Variants in USP54 observed in about 807,000 individuals in gnomAD.
USP54 encodes ubiquitin carboxyl-terminal hydrolase 54.
A neutral mutation model predicts 170.5 loss-of-function variants in USP54; 87 were observed. That is an observed-to-expected ratio of 0.51 (90% CI 0.43 to 0.61). USP54 has a LOEUF of 0.61. Among genes scored for constraint, USP54 ranks in the 20% least tolerant of loss-of-function variants. The pLI is 0.00. For missense variants in USP54, 1,786 were observed against 2,047.8 expected, an observed-to-expected ratio of 0.87 and a Z score of 2.47; for synonymous variants, 655 against 742.8, an observed-to-expected ratio of 0.88 and a Z score of 1.92.
chr10:73,614,594 C>T (rs1008606162), intron 1 of USP54, among the ~76,000 whole-genome samples: 4 of 143,622 alleles, frequency 2.8e-5, no homozygotes, highest in East Asian at 2.0e-4. Flanking sequence ...GAAACACAGG[C>T]GTACATACAT....
At chr10:73,511,096 C>CTTTTTTTTT (rs777196673) in intron 20 of USP54, among the ~76,000 whole-genome samples, 1 of 121,564 alleles carries the variant, frequency 8.2e-6, no homozygotes, top group African/African-American at 3.1e-5. Context: ...ATGAAAACAC[C>CTTTTTTTTT]TTTTTTTTTT....
At position 73,504,945 on chromosome 10, in the gene USP54, G is replaced by T; in HGVS notation, c.4216C>A (p.Gln1406Lys). ...CGACGTAAATTCTCTGCACTGTACT[G>T]CTCATCCTCCCCACACTCCCTGCTG... ...GLSRECGEDE[Q>K]YSAENLRRIS... Residue 1406 changes from glutamine to lysine, a missense_variant, in exon 22 of 24, where the codon CAG (glutamine) becomes AAG (lysine). Gln to Lys is a moderately conservative substitution (Grantham distance 53). Transcript: ENST00000687698. The T allele has an allele frequency of 6.2e-7, 1 of 1,614,112 alleles. No homozygotes were observed. Among genetic ancestry groups the T allele is most frequent in the Non-Finnish European group, 8.5e-7 (1 of 1,180,026 alleles).
chr10:73,529,901 A>G lies in USP54; in HGVS notation c.1839T>C (p.Phe613=), dbSNP rs2063658451. Residue 613 remains phenylalanine, a synonymous_variant, in exon 15 of 24, where the codon TTT becomes TTC. Coordinates refer to ENST00000687698, the MANE Select transcript of USP54 (RefSeq NM_001391956.1). ...GTGGCTTGCTTGGTTCATCTGGTATAAATTCTTTAGCTATCCCAATCAAAA... is the reference window on the plus strand; with the variant it reads ...GTGGCTTGCTTGGTTCATCTGGTATGAATTCTTTAGCTATCCCAATCAAAA... ...SPFSEDSAKE[F]IPDEPSKPPS... is the part of the protein sequence containing the mutation. The G allele has an allele frequency of 6.5e-7, 1 of 1,528,638 alleles. No individual in the cohort carries two copies. The highest frequency in any genetic ancestry group is 8.8e-7 in the Non-Finnish European group (1 of 1,140,826). 94.7% of individuals were successfully genotyped at this position (1,528,638 alleles called of 1,614,324 possible). A position where few individuals can be genotyped will look rare whatever the true frequency, so the allele number is the denominator to read the frequency against.
chr10:73,519,742 T>G (rs1469002511), intron 19 of USP54, 55 bp downstream of exon 19: 2 of 1,609,080 alleles, frequency 1.2e-6, no homozygotes, highest in Non-Finnish European at 1.7e-6. Context: ...TACAGAATAC[T>G]CATGGTCATT....
chr10:73,605,918 C>A (rs1236955620), intron 1 of USP54, among the ~76,000 whole-genome samples: 1 of 152,000 alleles, frequency 6.6e-6, no homozygotes, highest in Non-Finnish European at 1.5e-5. Flanking sequence ...TAGCGCACAC[C>A]TGTAATCCCA....
intron 18 of USP54, 116 bp from the exon 19 acceptor site, chr10:73,520,108 A>C: frequency 7.1e-7 from 1 of 1,405,488 alleles, no homozygotes; most frequent in East Asian, 2.5e-5. Context: ...AATATGTAGC[A>C]GGAACGCAAG....
chr10:73,514,548 G>GC (rs1350006490), intron 20 of USP54, among the ~76,000 whole-genome samples: 1 of 149,244 alleles, frequency 6.7e-6, no homozygotes, highest in Non-Finnish European at 1.5e-5. Flanking sequence ...GGGCAACAGA[G>GC]CGAGACTCTG....
chr10:73,620,050 C>T (rs1484890321), intron 1 of USP54, among the ~76,000 whole-genome samples: 5 of 150,408 alleles, frequency 3.3e-5, no homozygotes, highest in Admixed American at 3.3e-4. Context: ...CAGTGGGTCA[C>T]ACCTGTAATC....
Position 73,517,594 on chromosome 10 carries a change from C to T in USP54, c.2832G>A (p.Gln944=), listed in dbSNP as rs766498046. The T allele has an allele frequency of 6.8e-6, 11 of 1,614,082 alleles. No homozygotes were observed. The highest frequency in any genetic ancestry group is 8.5e-7 in the Non-Finnish European group (1 of 1,180,040). Residue 944 remains glutamine, a synonymous_variant, in exon 20 of 24, where the codon CAG becomes CAA. Coordinates refer to ENST00000687698, the MANE Select transcript of USP54 (RefSeq NM_001391956.1). The part of the protein sequence containing the change: ...SSLSPESSAP[Q]HSSPSRSALK... ...AGGCAGATCTACTGGGGGAGCTGTG[C>T]TGTGGGGCAGATGACTCTGGAGATA... is the stretch of plus-strand genomic sequence containing the variant.
At chr10:73,588,524 T>G (rs1255534839) in intron 1 of USP54, among the ~76,000 whole-genome samples, 2 of 152,330 alleles carry the variant, frequency 1.3e-5, no homozygotes, top group African/African-American at 4.8e-5. Context: ...GCGCCCAGCC[T>G]GGGAAAAATG....
chr10:73,569,692 C>T (rs1388811216), intron 4 of USP54, among the ~76,000 whole-genome samples: 3 of 148,338 alleles, frequency 2.0e-5, no homozygotes, highest in South Asian at 4.2e-4. Flanking sequence ...GCAGAGGTTG[C>T]GGTGAGCCAA....
chr10:73,513,044 T>A (rs140993405), intron 20 of USP54, among the ~76,000 whole-genome samples: 5 of 151,428 alleles, frequency 3.3e-5, no homozygotes, highest in African/African-American at 9.7e-5. Flanking sequence ...AAAAAAAAAG[T>A]TTATAACATT....
At chr10:73,571,358 A>C in intron 4 of USP54, 63 bp downstream of exon 4, 1 of 1,389,636 alleles carries the variant, frequency 7.2e-7, no homozygotes, top group Non-Finnish European at 1.0e-6. Context: ...TAACCAAACC[A>C]CCTTGATATT....
At chr10:73,545,748 T>G in intron 4 of USP54, 76 bp from the exon 5 acceptor site, 1 of 1,534,330 alleles carries the variant, frequency 6.5e-7, no homozygotes, top group South Asian at 1.2e-5. Flanking sequence ...TCTGTCATGC[T>G]AGCATCTCCA....
At chr10:73,518,222 C>A in intron 19 of USP54, 2 of 985,388 alleles carry the variant, frequency 2.0e-6, no homozygotes, top group Non-Finnish European at 2.4e-6. Context: ...GCCAAAGGAA[C>A]TATGAGGCCA....
At chr10:73,563,190 G>C (rs369642376) in intron 4 of USP54, among the ~76,000 whole-genome samples, 1 of 152,108 alleles carries the variant, frequency 6.6e-6, no homozygotes, top group Non-Finnish European at 1.5e-5. Flanking sequence ...CCTGAGCTCA[G>C]CGATCCTCCT....
chr10:73,531,603 A>G lies in USP54; in HGVS notation c.1316-768T>C, dbSNP rs545226245. On this transcript the variant is annotated intron_variant, in intron 12 of 23. Coordinates refer to ENST00000687698, the MANE Select transcript of USP54 (RefSeq NM_001391956.1). ...GGATACTCCAGACTTTGCCCACAAGAGGTCTGATTTTATATGGCTTTAAGA... is the reference window on the plus strand; with the variant it reads ...GGATACTCCAGACTTTGCCCACAAGGGGTCTGATTTTATATGGCTTTAAGA... Among the ~76,000 whole-genome samples, 8 of 152,292 alleles carry G rather than the reference A, an allele frequency of 5.3e-5. No individual in the cohort carries two copies. In the South Asian group the frequency reaches 1.7e-3, roughly 32 times the overall value.
chr10:73,530,000 C>CT, intron 14 of USP54, 89 bp from the exon 15 acceptor site: 1 of 1,485,260 alleles, frequency 6.7e-7, no homozygotes, highest in South Asian at 1.4e-5. Flanking sequence ...CCTCTAGCTA[C>CT]TTATTCACTG....
intron 4 of USP54, among the ~76,000 whole-genome samples, chr10:73,550,077 C>T (rs2068866434): frequency 6.6e-6 from 1 of 152,170 alleles, no homozygotes; most frequent in South Asian, 2.1e-4. Flanking sequence ...GTATGTGCCA[C>T]TACACCCGGC....
Sources: allele counts gnomAD v4.1 joint callset (sites outside exome capture counted in the v4.1 genomes callset), GRCh38; gene constraint gnomAD v4.1.1; transcripts MANE v1.5; gene names NCBI Gene and HGNC (gene_info 2026-07-23, HGNC 2026-07-21).